The following ACBD6 variants were observed in gnomAD, a reference collection of about 807,000 sequenced individuals.
ACBD6 encodes acyl-CoA binding domain containing 6.
Under a neutral mutation model 37.2 loss-of-function variants are expected in ACBD6, and 28 were observed. The observed-to-expected ratio is 0.75, with a 90% confidence interval of 0.56 to 1.03. The LOEUF is 1.03. ACBD6 is among the 50% of genes least tolerant of loss of function. ACBD6 has a pLI of 0.00. For synonymous variants in ACBD6, 113 were observed against 126.8 expected (o/e 0.89, Z 0.73); for missense variants, 340 against 337.4 (o/e 1.01, Z -0.06).
At chr1:180,388,686 C>CT (rs1653945877) in intron 6 of ACBD6, among the ~76,000 whole-genome samples, 2 of 152,022 alleles carry the variant, frequency 1.3e-5, no homozygotes, top group Admixed American at 1.3e-4. Context: ...AGTGATCCTC[C>CT]TGCCTTGGCC....
At chr1:180,435,222 G>T in intron 3 of ACBD6, 2 of 679,766 alleles carry the variant, frequency 2.9e-6, no homozygotes, top group Non-Finnish European at 5.5e-6. Context: ...TCTGGTGCTG[G>T]GTTACGAGGG....
intron 3 of ACBD6, among the ~76,000 whole-genome samples, chr1:180,430,685 T>C (rs1648776442): frequency 7.5e-6 from 1 of 133,896 alleles, no homozygotes; most frequent in South Asian, 2.3e-4. Context: ...AATTTAATTA[T>C]AAAGAAAATG....
chr1:180,404,029 C>T (rs527266049), intron 5 of ACBD6, among the ~76,000 whole-genome samples: 3 of 152,176 alleles, frequency 2.0e-5, no homozygotes, highest in South Asian at 2.1e-4. Flanking sequence ...CAGCTCACTG[C>T]AACCTCCACC....
At chr1:180,271,261 G>A (rs1456015616) in exon 14 of ACBD6, 37 of 1,118,440 alleles carry the variant, frequency 3.3e-5, no homozygotes, top group Non-Finnish European at 4.7e-5. Context: ...CCTGTGCCTC[G>A]CGCTGTCCTG....
chr1:180,343,165 A>T (rs535497286), intron 6 of ACBD6, among the ~76,000 whole-genome samples: 1 of 152,296 alleles, frequency 6.6e-6, no homozygotes, highest in South Asian at 2.1e-4. Flanking sequence ...ATTACATAAT[A>T]GAGTTAAAAT....
intron 8 of ACBD6, among the ~76,000 whole-genome samples, chr1:180,282,082 C>A (rs996747308): frequency 1.2e-4 from 19 of 152,082 alleles, no homozygotes; most frequent in African/African-American, 4.3e-4. Flanking sequence ...TCCAAAAACA[C>A]AAAAATTGAA....
At chr1:180,432,585 C>T (rs933813585) in intron 3 of ACBD6, among the ~76,000 whole-genome samples, 1 of 151,794 alleles carries the variant, frequency 6.6e-6, no homozygotes, top group African/African-American at 2.4e-5. Context: ...GGCTAAAATC[C>T]AATATGTCCT....
At chr1:180,314,415 T>C (rs530558079) in intron 7 of ACBD6, among the ~76,000 whole-genome samples, 174 of 152,272 alleles carry the variant, frequency 1.1e-3, no homozygotes, top group African/African-American at 3.7e-3. Flanking sequence ...TGGCTAATTT[T>C]TGTATTTTTA....
chr1:180,386,833 C>CT (rs34010181), intron 6 of ACBD6, among the ~76,000 whole-genome samples: 73,776 of 151,806 alleles, frequency 0.49, 20,737 homozygotes, highest in South Asian at 0.66. Flanking sequence ...ATGTTTGTAA[C>CT]TACTCATTGA....
chr1:180,360,613 C>T (rs1274255528), intron 6 of ACBD6, among the ~76,000 whole-genome samples: 1 of 152,106 alleles, frequency 6.6e-6, no homozygotes, highest in Non-Finnish European at 1.5e-5. Flanking sequence ...AACCACTGCC[C>T]TATGCTAGTA....
At chr1:180,400,745 C>T (rs931639747) in intron 5 of ACBD6, among the ~76,000 whole-genome samples, 3 of 152,082 alleles carry the variant, frequency 2.0e-5, no homozygotes, top group Admixed American at 6.6e-5. Flanking sequence ...AGATGCTATC[C>T]TTATAATTAA....
intron 5 of ACBD6, among the ~76,000 whole-genome samples, chr1:180,403,639 C>A (rs1647482973): frequency 6.6e-6 from 1 of 152,146 alleles, no homozygotes; most frequent in Admixed American, 6.5e-5. Context: ...ATGTTCAGAG[C>A]ATAATTCACA....
chr1:180,372,423 T>C (rs1281314713), intron 6 of ACBD6, among the ~76,000 whole-genome samples: 2 of 152,124 alleles, frequency 1.3e-5, no homozygotes, highest in East Asian at 1.9e-4. Context: ...CACAATACCA[T>C]TGTTACACCT....
chr1:180,302,264 T>C (rs1039682247), intron 7 of ACBD6, among the ~76,000 whole-genome samples: 4 of 152,140 alleles, frequency 2.6e-5, no homozygotes, highest in African/African-American at 9.7e-5. Flanking sequence ...TATGCATTCA[T>C]GACATGTAAC....
At chr1:180,274,099 G>A in exon 11 of ACBD6, 1 of 1,538,492 alleles carries the variant, frequency 6.5e-7, no homozygotes, top group Non-Finnish European at 9.0e-7. Context: ...CATCTTTCCT[G>A]GTCATGTGTG....
chr1:180,496,421 G>A (rs1000650795), intron 1 of ACBD6, among the ~76,000 whole-genome samples: 1 of 152,114 alleles, frequency 6.6e-6, no homozygotes, highest in Admixed American at 6.5e-5. Context: ...CTCATCCACA[G>A]AACCTATCTA....
In ACBD6 at chr1:180,395,271, G is replaced by A. The variant is rs74132808; in HGVS notation, c.663+2245C>T. ...TGGTGTTTAGTGTTAGATATTGTGC[G>A]TTTGAAGTGTCTGAGGGATATCAAA... is the stretch of plus-strand genomic sequence containing the variant. On this transcript the variant is annotated intron_variant, in intron 6 of 7. Transcript: ENST00000367595. Among the ~76,000 whole-genome samples the A allele has an allele frequency of 3.8e-3, 582 of 152,208 alleles. 3 individuals are homozygous for A. The highest frequency in any genetic ancestry group is 0.013 in the African/African-American group (549 of 41,534).
At position 180,351,922 on chromosome 1, in the gene ACBD6, TAAAC is replaced by T. The variant is rs1652434606; in HGVS notation, c.664-37204_664-37201del. Among the ~76,000 whole-genome samples the T allele has an allele frequency of 2.6e-5, 4 of 152,308 alleles. 1 individual carries two copies. The East Asian group carries it at 7.7e-4, about 29-fold the overall frequency. On this transcript the variant is annotated intron_variant, in intron 6 of 7. Transcript: ENST00000367595. ...GCATATCCATCAGCAGATGAAAGGA[TAAAC>T]AAAATATGGTATATACATACAAAGT...
In ACBD6 at chr1:180,310,024, G is replaced by A. The variant is rs551316318; in HGVS notation, c.694+4668C>T. Among the ~76,000 whole-genome samples the A allele has an allele frequency of 4.6e-5, 7 of 152,208 alleles. No homozygotes were observed. In the East Asian group the frequency reaches 1.3e-3, roughly 29 times the overall value. Reference sequence around the variant, plus strand: ...TTTCTGTCTTTTCCTAGTAAATATAGACACATGGGTTTGAATTTCCAATTC... The same window carrying A: ...TTTCTGTCTTTTCCTAGTAAATATAAACACATGGGTTTGAATTTCCAATTC... On this transcript the variant is annotated intron_variant, in intron 7 of 7. Coordinates refer to ENST00000367595, the MANE Select transcript of ACBD6 (RefSeq NM_032360.4).
Sources: gnomAD v4.1 joint callset for allele counts (sites outside exome capture counted in the v4.1 genomes callset) on GRCh38, gnomAD v4.1.1 for gene constraint, MANE v1.5 for transcripts, NCBI Gene and HGNC (gene_info 2026-07-23, HGNC 2026-07-21) for gene names.